Variants in IGSF11 observed in about 807,000 individuals in gnomAD.
The protein encoded by IGSF11 is CXADR like 1.
Under a neutral mutation model 41.0 loss-of-function variants are expected in IGSF11, and 22 were observed. The observed-to-expected ratio is 0.54, with a 90% CI of 0.38 to 0.77. The LOEUF (loss-of-function observed/expected upper bound fraction) is 0.77, where lower values mean the gene tolerates loss of function less well. IGSF11 is among the 30% of genes least tolerant of loss of function. The probability of loss-of-function intolerance (pLI) is 0.00; values close to 1 mark genes in which losing one functional copy is unlikely to be tolerated. For missense variants in IGSF11, 444 were observed against 530.8 expected (o/e 0.84, Z 1.61); for synonymous variants, 219 against 201.3 (o/e 1.09, Z -0.74).
At chr3:119,139,781 G>C (rs1484026924) in intron 1 of IGSF11, among the ~76,000 whole-genome samples, 2 of 152,118 alleles carry the variant, frequency 1.3e-5, no homozygotes, top group Non-Finnish European at 2.9e-5. Context: ...TGTTTTAAAA[G>C]ATAACAGCAT....
chr3:118,998,734 C>T lies in IGSF11; in HGVS notation c.52+35797G>A, dbSNP rs1030784341. 3.9e-5 allele frequency among the ~76,000 whole-genome samples: 6 copies of T among 152,024 alleles called. No homozygotes were observed. In the South Asian group the frequency reaches 8.3e-4, roughly 21 times the overall value. The stretch of plus-strand genomic sequence containing the variant: ...CTAAGGTTTTTATTTATTTTTGATG[C>T]CTCAATATAACCTTAAATTTCAATT... On this transcript the variant is annotated intron_variant, in intron 1 of 6. Coordinates refer to ENST00000393775, the MANE Select transcript of IGSF11 (RefSeq NM_001015887.3).
intron 1 of IGSF11, among the ~76,000 whole-genome samples, chr3:119,024,102 T>C (rs941780229): frequency 6.6e-6 from 1 of 152,166 alleles, no homozygotes; most frequent in African/African-American, 2.4e-5. Flanking sequence ...AAATTCAAAA[T>C]AACTGTGGTG....
chr3:118,921,760 T>C (rs2107516766), intron 4 of IGSF11, among the ~76,000 whole-genome samples: 1 of 152,246 alleles, frequency 6.6e-6, no homozygotes, highest in East Asian at 1.9e-4. Context: ...ATCTTGATGG[T>C]GATATGTATA....
At chr3:118,916,311 C>A (rs927384755) in intron 4 of IGSF11, among the ~76,000 whole-genome samples, 1 of 152,016 alleles carries the variant, frequency 6.6e-6, no homozygotes, top group Non-Finnish European at 1.5e-5. Flanking sequence ...CACAGACTGG[C>A]GAGTTGGATA....
intron 1 of IGSF11, among the ~76,000 whole-genome samples, chr3:118,950,510 G>A (rs1301278580): frequency 6.6e-6 from 1 of 151,764 alleles, no homozygotes; most frequent in African/African-American, 2.4e-5. Context: ...CAAGGTTAAG[G>A]TTTCTCACTG....
chr3:118,953,841 C>T (rs1944762890), intron 1 of IGSF11, among the ~76,000 whole-genome samples: 1 of 152,050 alleles, frequency 6.6e-6, no homozygotes, highest in African/African-American at 2.4e-5. Flanking sequence ...TTTTTTCCCA[C>T]TCTGTGGGTT....
chr3:118,970,647 A>C (rs1483401574), intron 1 of IGSF11, among the ~76,000 whole-genome samples: 1 of 152,120 alleles, frequency 6.6e-6, no homozygotes, highest in South Asian at 2.1e-4. Context: ...AAATAGCAGC[A>C]AAAAGGATAT....
At chr3:119,077,188 T>C (rs879303047) in intron 1 of IGSF11, among the ~76,000 whole-genome samples, 1 of 151,920 alleles carries the variant, frequency 6.6e-6, no homozygotes, top group Non-Finnish European at 1.5e-5. Flanking sequence ...AAACACTGCA[T>C]GTTCTCACTC....
At chr3:119,081,187 C>T (rs1055588568) in intron 1 of IGSF11, among the ~76,000 whole-genome samples, 4 of 152,066 alleles carry the variant, frequency 2.6e-5, no homozygotes, top group Non-Finnish European at 5.9e-5. Context: ...TTTTCATCCT[C>T]ATAGTCCCAT....
chr3:119,102,997 A>ATT (rs142951970), intron 1 of IGSF11, among the ~76,000 whole-genome samples: 24,654 of 126,626 alleles, frequency 0.19, 2,840 homozygotes, highest in Non-Finnish European at 0.25. Flanking sequence ...TACTTGGCCA[A>ATT]TTTTTTTTTT....
intron 1 of IGSF11, among the ~76,000 whole-genome samples, chr3:119,065,980 T>C (rs868333177): frequency 1.3e-5 from 2 of 152,158 alleles, no homozygotes; most frequent in African/African-American, 2.4e-5. Context: ...TAAATAAACA[T>C]AAAACTTCAG....
intron 1 of IGSF11, among the ~76,000 whole-genome samples, chr3:119,079,467 G>A (rs2076554030): frequency 6.6e-6 from 1 of 152,204 alleles, no homozygotes; most frequent in African/African-American, 2.4e-5. Flanking sequence ...ACTGTGGAAA[G>A]CAGTTTGGAG....
intron 1 of IGSF11, among the ~76,000 whole-genome samples, chr3:118,953,900 G>T (rs1414362125): frequency 1.3e-5 from 2 of 152,056 alleles, no homozygotes; most frequent in Non-Finnish European, 2.9e-5. Flanking sequence ...AAGCTTTTTA[G>T]TTTAATTAAG....
At chr3:118,995,144 A>C (rs150426318) in intron 1 of IGSF11, among the ~76,000 whole-genome samples, 89 of 152,280 alleles carry the variant, frequency 5.8e-4, no homozygotes, top group African/African-American at 1.9e-3. Context: ...AGGTGAATGA[A>C]ATTATCAGAT....
Position 118,974,798 on chromosome 3 carries a change from C to CTCTTATCATT in IGSF11, c.53-44533_53-44524dup, listed in dbSNP as rs562687138. On this transcript the variant is annotated intron_variant, in intron 1 of 6. Coordinates refer to ENST00000393775, the MANE Select transcript of IGSF11 (RefSeq NM_001015887.3). ...CATCTTCTTTCATTCTACAATCTTT[C>CTCTTATCATT]TCTTATCATTTTCTTTATCACTATT... Among the ~76,000 whole-genome samples, 301 of 152,238 alleles carry CTCTTATCATT rather than the reference C, an allele frequency of 2.0e-3. 1 individual carries two copies. Among genetic ancestry groups the CTCTTATCATT allele is most frequent in the Non-Finnish European group, 2.6e-3 (175 of 68,026 alleles).
intron 4 of IGSF11, among the ~76,000 whole-genome samples, chr3:118,920,230 T>A (rs1236919455): frequency 6.7e-6 from 1 of 148,258 alleles, no homozygotes; most frequent in East Asian, 2.0e-4. Flanking sequence ...CTGCACAATG[T>A]GCACATGTAC....
chr3:118,955,068 G>A (rs1373147650), intron 1 of IGSF11, among the ~76,000 whole-genome samples: 2 of 152,136 alleles, frequency 1.3e-5, no homozygotes, highest in Non-Finnish European at 2.9e-5. Flanking sequence ...TATCTACCCA[G>A]AGGAAAAAAT....
At chr3:119,077,514 C>T (rs780475748) in intron 1 of IGSF11, among the ~76,000 whole-genome samples, 1 of 151,806 alleles carries the variant, frequency 6.6e-6, no homozygotes, top group African/African-American at 2.4e-5. Context: ...ACAAACCAAG[C>T]ATCAAAGGAA....
chr3:118,975,086 T>G (rs1169414401), intron 1 of IGSF11, among the ~76,000 whole-genome samples: 1 of 152,218 alleles, frequency 6.6e-6, no homozygotes, highest in Non-Finnish European at 1.5e-5. Flanking sequence ...CTAATTGCTC[T>G]AATTACATGA....
Sources: allele counts gnomAD v4.1 joint callset (sites outside exome capture counted in the v4.1 genomes callset), GRCh38; gene constraint gnomAD v4.1.1; transcripts MANE v1.5; gene names NCBI Gene and HGNC (gene_info 2026-07-23, HGNC 2026-07-21).